The following ZNF578 variants were observed in gnomAD, a reference collection of about 807,000 sequenced individuals.
The protein encoded by ZNF578 is Putative chemokine-related protein B42.
ZNF578 carries 8 observed loss-of-function variants against 8.3 expected under a neutral mutation model. The ratio of observed to expected loss-of-function variants is 0.96; its 90% CI spans 0.56 to 1.74. The LOEUF (loss-of-function observed/expected upper bound fraction) is 1.74, where lower values mean the gene tolerates loss of function less well. Among genes scored for constraint, ZNF578 ranks in the 40% most tolerant of loss-of-function variants. The pLI is 0.00. For synonymous variants in ZNF578, 206 were observed against 232.2 expected, an observed-to-expected ratio of 0.89 and a Z score of 1.03; for missense variants, 726 against 707.5, an observed-to-expected ratio of 1.03 and a Z score of -0.30.
In ZNF578 at chr19:52,512,087, G is replaced by A. The variant is rs772855843; in HGVS notation, c.1706G>A (p.Cys569Tyr). ...CATAGCGGAGAGAAACCTTACAAGT[G>A]TAATGAGTGTGGTAAGGCTCACAAT... ...RIHSGEKPYK[C>Y]NECGKAHNHL... is the part of the protein sequence containing the mutation. The change falls in exon 6 of 6, where the codon TGT becomes TAT. Residue 569 changes from cysteine (C) to tyrosine (Y), a missense_variant. Coordinates refer to ENST00000421239, the MANE Select transcript of ZNF578 (RefSeq NM_001099694.2). The A allele has an allele frequency of 6.2e-6, 10 of 1,613,252 alleles. No homozygotes were observed. The highest frequency in any genetic ancestry group is 1.3e-5 in the African/African-American group (1 of 74,744).
chr19:52,460,526 G>T (rs2059254655), intron 2 of ZNF578, among the ~76,000 whole-genome samples: 2 of 152,118 alleles, frequency 1.3e-5, no homozygotes, highest in South Asian at 4.1e-4. Flanking sequence ...AGTTGTAGAA[G>T]TTACTTGATA....
At chr19:52,506,018 C>T (rs990228707) in intron 5 of ZNF578, among the ~76,000 whole-genome samples, 4 of 152,048 alleles carry the variant, frequency 2.6e-5, no homozygotes, top group African/African-American at 9.7e-5. Flanking sequence ...CTGCCTCAGC[C>T]TCTTGAGTGG....
At chr19:52,500,597 G>C (rs992883889) in intron 3 of ZNF578, among the ~76,000 whole-genome samples, 5 of 151,928 alleles carry the variant, frequency 3.3e-5, no homozygotes, top group Non-Finnish European at 7.4e-5. Flanking sequence ...TGGCTGGGAC[G>C]GTGTCGACCT....
intron 5 of ZNF578, among the ~76,000 whole-genome samples, chr19:52,507,198 G>A (rs1446019100): frequency 2.0e-5 from 3 of 152,108 alleles, no homozygotes; most frequent in African/African-American, 7.2e-5. Flanking sequence ...GACCAGCCTG[G>A]CCAACATGGT....
chr19:52,491,013 TG>T (rs1349680184), intron 2 of ZNF578, among the ~76,000 whole-genome samples: 3 of 152,196 alleles, frequency 2.0e-5, no homozygotes, highest in East Asian at 1.9e-4. Flanking sequence ...GACAGTGATA[TG>T]TTTTTTTGCA....
chr19:52,459,445 C>T lies in ZNF578; in HGVS notation c.-122+2487C>T, dbSNP rs541588384. Among the ~76,000 whole-genome samples the T allele has an allele frequency of 6.6e-5, 10 of 152,136 alleles. No homozygotes were observed. The South Asian group carries it at 2.1e-3, about 32-fold the overall frequency. On this transcript the variant is annotated intron_variant, in intron 2 of 5. Coordinates refer to ENST00000421239, the MANE Select transcript of ZNF578 (RefSeq NM_001099694.2). ...GACAGGATTTTCTCCTTTTATAAAG[C>T]TGAATAATATTCCATTGCATGTGTA... is the stretch of plus-strand genomic sequence containing the variant.
intron 3 of ZNF578, among the ~76,000 whole-genome samples, chr19:52,491,883 G>C (rs2059366166): frequency 6.6e-6 from 1 of 151,946 alleles, no homozygotes; most frequent in African/African-American, 2.4e-5. Flanking sequence ...AAACAAGGCC[G>C]TGTGGGGTGG....
intron 2 of ZNF578, among the ~76,000 whole-genome samples, chr19:52,488,391 A>G (rs1282467272): frequency 2.0e-5 from 3 of 151,794 alleles, no homozygotes; most frequent in Non-Finnish European, 4.4e-5. Flanking sequence ...AATCTCTACT[A>G]AAAAAATACC....
chr19:52,510,469 G>C (rs1457345934), intron 5 of ZNF578, 103 bp from the exon 6 acceptor site: 1 of 1,368,586 alleles, frequency 7.3e-7, no homozygotes, highest in African/African-American at 1.5e-5. Flanking sequence ...ATCATGTTTG[G>C]GAAGTTTAAA....
In ZNF578 at chr19:52,513,307, C is replaced by T. The variant is rs1451433592; in HGVS notation, c.*1153C>T. On this transcript the variant is annotated 3_prime_UTR_variant, in exon 6 of 6. Coordinates refer to ENST00000421239, the MANE Select transcript of ZNF578 (RefSeq NM_001099694.2). ...AAAGTGATGAGATTACAGGCATATG[C>T]CACCGCGCCTGGCATTGTTTCTTCT... Among the ~76,000 whole-genome samples the T allele has an allele frequency of 6.6e-6, 1 of 150,444 alleles. No homozygotes were observed. The highest frequency in any genetic ancestry group is 1.9e-4 in the East Asian group (1 of 5,136).
At chr19:52,490,204 A>G (rs2059360678) in intron 2 of ZNF578, among the ~76,000 whole-genome samples, 1 of 152,156 alleles carries the variant, frequency 6.6e-6, no homozygotes. Flanking sequence ...GGCAATACAT[A>G]TATATAAAAT....
rs568811401 is a variant in ZNF578 at position 52,511,468 on chromosome 19, A to G, written c.1087A>G (p.Arg363Gly). 1 of 1,614,120 alleles carries G rather than the reference A, an allele frequency of 6.2e-7. No homozygotes were observed. Among genetic ancestry groups the G allele is most frequent in the African/African-American group, 1.3e-5 (1 of 75,054 alleles). ...CAAGTCATCCCTTAGATGCCATCGT[A>G]GACTTCATACTGGAATAAAACCTTA... ...SYKSSLRCHR[R>G]LHTGIKPYKC... The change falls in exon 6 of 6, where the codon AGA becomes GGA. Residue 363 changes from arginine (R) to glycine (G), a missense_variant. Physicochemically the swap from Arg to Gly is moderately radical, Grantham distance 125 (BLOSUM62 -2). Coordinates refer to ENST00000421239, the MANE Select transcript of ZNF578 (RefSeq NM_001099694.2).
intron 2 of ZNF578, among the ~76,000 whole-genome samples, chr19:52,469,380 G>A (rs965274357): frequency 6.6e-6 from 1 of 151,894 alleles, no homozygotes. Context: ...GGCTGATCTC[G>A]AACTCCCGAG....
intron 3 of ZNF578, among the ~76,000 whole-genome samples, chr19:52,495,985 TTTC>T (rs2059384592): frequency 6.6e-6 from 1 of 152,170 alleles, no homozygotes; most frequent in African/African-American, 2.4e-5. Flanking sequence ...GGTTTCCTTT[TTTC>T]TAGTTCCTCC....
chr19:52,470,804 C>T (rs115119626), intron 2 of ZNF578, among the ~76,000 whole-genome samples: 2,187 of 152,286 alleles, frequency 0.014, 52 homozygotes, highest in African/African-American at 0.048. Context: ...CAAGGGCTTC[C>T]AGGCTTTTAG....
intron 4 of ZNF578, among the ~76,000 whole-genome samples, chr19:52,503,305 C>T (rs1452603093): frequency 6.6e-6 from 1 of 152,158 alleles, no homozygotes; most frequent in Non-Finnish European, 1.5e-5. Flanking sequence ...CTTGGCCTCC[C>T]AAATTGCTGG....
intron 2 of ZNF578, chr19:52,457,897 G>A (rs546991433): frequency 1.3e-5 from 2 of 153,856 alleles, no homozygotes; most frequent in East Asian, 3.9e-4. Context: ...GCCCTCTGAT[G>A]TCACTTAAAT....
At chr19:52,461,738 G>A (rs2059258535) in intron 2 of ZNF578, among the ~76,000 whole-genome samples, 1 of 152,140 alleles carries the variant, frequency 6.6e-6, no homozygotes, top group Non-Finnish European at 1.5e-5. Flanking sequence ...TGTTCTGTTG[G>A]AAGAAAACTG....
chr19:52,496,485 G>T (rs992059973), intron 3 of ZNF578, among the ~76,000 whole-genome samples: 1 of 143,686 alleles, frequency 7.0e-6, no homozygotes, highest in South Asian at 2.2e-4. Context: ...GCCCGCCACC[G>T]CGCCCAGCTA....
Sources: gnomAD v4.1 joint callset for allele counts (sites outside exome capture counted in the v4.1 genomes callset) on GRCh38, gnomAD v4.1.1 for gene constraint, MANE v1.5 for transcripts, NCBI Gene and HGNC (gene_info 2026-07-23, HGNC 2026-07-21) for gene names.